USH2A: variants seen among roughly 807,000 people sequenced by gnomAD.
The protein encoded by USH2A is Usher syndrome 2A (autosomal recessive, mild).
Under a neutral mutation model 538.9 loss-of-function variants are expected in USH2A, and 443 were observed. The observed-to-expected ratio is 0.82, with a 90% CI of 0.76 to 0.89. The LOEUF (loss-of-function observed/expected upper bound fraction) is 0.89. Among genes scored for constraint, USH2A ranks in the 40% least tolerant of loss-of-function variants. USH2A has a pLI of 0.00. For missense variants in USH2A, 6,633 were observed against 6,324.8 expected, an observed-to-expected ratio of 1.05 and a Z score of -1.65; for synonymous variants, 2,413 against 2,273.5, an observed-to-expected ratio of 1.06 and a Z score of -1.75.
intron 3 of USH2A, among the ~76,000 whole-genome samples, chr1:216,406,257 T>C (rs1453251404): frequency 6.6e-6 from 1 of 152,218 alleles, no homozygotes; most frequent in East Asian, 1.9e-4. Context: ...ACCATAGTTA[T>C]AAAAGATGTT....
intron 56 of USH2A, among the ~76,000 whole-genome samples, chr1:215,762,111 T>A (rs1660997874): frequency 1.3e-5 from 2 of 152,220 alleles, no homozygotes; most frequent in South Asian, 4.1e-4. Context: ...CATTTTGTTC[T>A]GAGAGTCTGC....
chr1:216,258,309 C>T (rs2036297990), intron 11 of USH2A, among the ~76,000 whole-genome samples: 1 of 152,068 alleles, frequency 6.6e-6, no homozygotes, highest in Non-Finnish European at 1.5e-5. Flanking sequence ...GTACTCTTAT[C>T]AAATATCCCA....
chr1:216,345,026 G>T (rs914039552), intron 4 of USH2A, among the ~76,000 whole-genome samples: 1 of 151,866 alleles, frequency 6.6e-6, no homozygotes. Flanking sequence ...GAGAGCTAAT[G>T]GGACTACTGG....
intron 21 of USH2A, among the ~76,000 whole-genome samples, chr1:216,134,652 T>C (rs995150176): frequency 1.3e-5 from 2 of 152,138 alleles, no homozygotes; most frequent in African/African-American, 4.8e-5. Flanking sequence ...GACAAACTTT[T>C]CATATTGCAC....
chr1:216,078,268 C>G lies in USH2A; in HGVS notation c.5393G>C (p.Gly1798Ala), dbSNP rs1307434309. Residue 1798 changes from glycine (G) to alanine (A), a missense_variant, in exon 27 of 72, where the codon GGA (glycine) becomes GCA (alanine). Gly to Ala is a moderately conservative substitution (Grantham distance 60). Coordinates refer to ENST00000307340, the MANE Select transcript of USH2A (RefSeq NM_206933.4). ...TTTAATAATGACTTTATTCCACTTT[C>G]CATTACAATAGGATAGCCCCAGCAA... The part of the protein sequence containing the change: ...DLLLGLSYCN[G>A]KWNKVIIKKE... The G allele has an allele frequency of 6.2e-7, 1 of 1,613,798 alleles. No homozygotes were observed. The highest frequency in any genetic ancestry group is 1.7e-5 in the Admixed American group (1 of 59,996).
At chr1:216,055,131 A>C (rs528698560) in intron 30 of USH2A, among the ~76,000 whole-genome samples, 11 of 152,022 alleles carry the variant, frequency 7.2e-5, no homozygotes, top group African/African-American at 2.7e-4. Context: ...ACTACTGGCC[A>C]GTAATTAGGA....
rs1173354830 is a variant in USH2A at position 216,418,641 on chromosome 1, A to T, written c.524T>A (p.Phe175Tyr). Reference protein sequence around the residue: ...IEKTVDGQIVFKLTISEKETM... With the variant: ...IEKTVDGQIVYKLTISEKETM... Reference sequence around the variant, plus strand: ...CTCTTTCTCAGATATTGTAAGTTTGAACACAATCTGCCCATCTACTGTCTT... The same window carrying T: ...CTCTTTCTCAGATATTGTAAGTTTGTACACAATCTGCCCATCTACTGTCTT... Residue 175 changes from phenylalanine (F) to tyrosine (Y), a missense_variant, in exon 3 of 72, where the codon TTC (phenylalanine) becomes TAC (tyrosine). Coordinates refer to ENST00000307340, the MANE Select transcript of USH2A (RefSeq NM_206933.4). 6.2e-7 allele frequency: 1 copy of T among 1,613,108 alleles called. No homozygotes were observed. The highest frequency in any genetic ancestry group is 8.5e-7 in the Non-Finnish European group (1 of 1,179,534).
rs41315587 is a variant in USH2A, at chr1:215,648,597, C to T, written c.14513G>A (p.Gly4838Glu). Residue 4838 changes from glycine (G) to glutamate (E), a missense_variant, in exon 66 of 72, where the codon GGG becomes GAG. Transcript: ENST00000307340. The part of the protein sequence containing the change: ...PPSGLSSPQI[G>E]TLASRTASFR... ...GGAGGCCGTCCTTGAGGCCAGCGTCCCGATTTGTGGAGAGGACAGTCCTGA... is the reference window on the plus strand; with the variant it reads ...GGAGGCCGTCCTTGAGGCCAGCGTCTCGATTTGTGGAGAGGACAGTCCTGA... 18,010 of 1,614,038 alleles carry T rather than the reference C, an allele frequency of 0.011. 450 individuals are homozygous for T. Among genetic ancestry groups the T allele is most frequent in the South Asian group, 0.067 (6,072 of 91,064 alleles).
In USH2A at chr1:215,728,265, G is replaced by T. The variant is rs1431048303; in HGVS notation, c.11831C>A (p.Ala3944Asp). The T allele has an allele frequency of 3.7e-6, 6 of 1,613,972 alleles. No homozygotes were observed. Among genetic ancestry groups the T allele is most frequent in the Non-Finnish European group, 5.1e-6 (6 of 1,180,038 alleles). ...PFTLYEYRVR[A>D]CNSKGSVESL... ...CTCCACTGAACCCTTGGAGTTACAG[G>T]CTCTGACCCGATATTCGTAGAGTGT... The change falls in exon 61 of 72, where the codon GCC becomes GAC. Residue 3944 changes from alanine (A) to aspartate (D), a missense_variant. By Grantham distance (126) the Ala-to-Asp change is moderately radical. Coordinates refer to ENST00000307340, the MANE Select transcript of USH2A (RefSeq NM_206933.4).
intron 3 of USH2A, among the ~76,000 whole-genome samples, chr1:216,410,813 A>C (rs2039475504): frequency 6.6e-6 from 1 of 152,054 alleles, no homozygotes; most frequent in Non-Finnish European, 1.5e-5. Context: ...CAAGCCCTTT[A>C]ATTTAATTCT....
chr1:216,285,339 A>G (rs1275191839), intron 11 of USH2A, among the ~76,000 whole-genome samples: 1 of 152,236 alleles, frequency 6.6e-6, no homozygotes, highest in Non-Finnish European at 1.5e-5. Flanking sequence ...GCATCAGAGA[A>G]TGGCAGCTCC....
At chr1:216,059,281 C>T (rs562834507) in intron 30 of USH2A, among the ~76,000 whole-genome samples, 4 of 152,022 alleles carry the variant, frequency 2.6e-5, no homozygotes, top group African/African-American at 7.2e-5. Flanking sequence ...GCAAAAATAA[C>T]GTGATTTAAA....
intron 38 of USH2A, among the ~76,000 whole-genome samples, chr1:215,927,245 C>G (rs1666259502): frequency 6.6e-6 from 1 of 152,026 alleles, no homozygotes; most frequent in African/African-American, 2.4e-5. Flanking sequence ...AACTAAAAGA[C>G]TTAGGATATT....
At chr1:215,867,777 A>G (rs2102441421) in intron 43 of USH2A, among the ~76,000 whole-genome samples, 1 of 152,360 alleles carries the variant, frequency 6.6e-6, no homozygotes, top group Non-Finnish European at 1.5e-5. Context: ...TATTTACTTG[A>G]GTCAATACAG....
At chr1:216,025,538 C>T (rs557000101) in intron 32 of USH2A, among the ~76,000 whole-genome samples, 6 of 152,054 alleles carry the variant, frequency 3.9e-5, no homozygotes, top group South Asian at 2.1e-4. Flanking sequence ...TGGAATACAA[C>T]GGTCATTAAA....
At chr1:215,862,691 T>C (rs1664352259) in intron 44 of USH2A, among the ~76,000 whole-genome samples, 1 of 152,158 alleles carries the variant, frequency 6.6e-6, no homozygotes, top group African/African-American at 2.4e-5. Flanking sequence ...ATTTTAGAAA[T>C]AGAATAATAC....
At chr1:216,202,074 A>G (rs1284021071) in intron 16 of USH2A, among the ~76,000 whole-genome samples, 1 of 152,152 alleles carries the variant, frequency 6.6e-6, no homozygotes, top group East Asian at 1.9e-4. Context: ...AAACATTAAC[A>G]AAATTTGAAA....
chr1:216,046,304 C>T, intron 32 of USH2A, 127 bp downstream of exon 32: 2 of 987,762 alleles, frequency 2.0e-6, no homozygotes, highest in Non-Finnish European at 3.0e-6. Flanking sequence ...ATTTTTTTCA[C>T]ATATTTCCTA....
chr1:215,628,970 T>C lies in USH2A; in HGVS notation c.15363A>G (p.Ala5121=). ...TPVSIRSNRS[A]CVLRIPSQNQ... ...TTTGACTCGGGATGCGCAGGACACA[T>C]GCACTCCGGTTGCTGCGGATACTCA... Residue 5121 remains alanine (A), a synonymous_variant, in exon 71 of 72, where the codon GCA becomes GCG. Coordinates refer to ENST00000307340, the MANE Select transcript of USH2A (RefSeq NM_206933.4). The C allele has an allele frequency of 6.2e-7, 1 of 1,614,022 alleles. No individual in the cohort carries two copies. Among genetic ancestry groups the C allele is most frequent in the Non-Finnish European group, 8.5e-7 (1 of 1,180,026 alleles).
Sources: gnomAD v4.1 joint callset for allele counts (sites outside exome capture counted in the v4.1 genomes callset) on GRCh38, gnomAD v4.1.1 for gene constraint, MANE v1.5 for transcripts, NCBI Gene and HGNC (gene_info 2026-07-23, HGNC 2026-07-21) for gene names.